RANBP17: variants seen among roughly 807,000 people sequenced by gnomAD.
RANBP17 encodes the protein RAN binding protein 17.
A neutral mutation model predicts 141.2 loss-of-function variants in RANBP17; 158 were observed. The observed-to-expected ratio is 1.12, with a 90% CI of 0.98 to 1.28. The LOEUF is 1.28. Ranked by LOEUF, RANBP17 falls within the 50% of genes most tolerant of loss-of-function variation. The pLI is 0.00. For synonymous variants in RANBP17, 430 were observed against 450.0 expected (o/e 0.96, Z 0.56); for missense variants, 1,438 against 1,290.7 (o/e 1.11, Z -1.75).
intron 14 of RANBP17, among the ~76,000 whole-genome samples, chr5:171,049,404 C>A (rs1052354315): frequency 1.3e-5 from 2 of 152,138 alleles, no homozygotes; most frequent in African/African-American, 2.4e-5. Context: ...TATGTGTTCT[C>A]CCATTCTGTA....
chr5:170,953,051 T>G (rs925528239), intron 12 of RANBP17, among the ~76,000 whole-genome samples: 1 of 152,104 alleles, frequency 6.6e-6, no homozygotes, highest in Non-Finnish European at 1.5e-5. Context: ...TCTTGGATTT[T>G]TTAATACATC....
At chr5:170,905,106 T>C (rs1475602690) in intron 5 of RANBP17, among the ~76,000 whole-genome samples, 1 of 152,188 alleles carries the variant, frequency 6.6e-6, no homozygotes, top group East Asian at 1.9e-4. Context: ...CAGGCCTTTT[T>C]TCACTTTATG....
At chr5:170,883,854 T>G (rs1453481251) in intron 3 of RANBP17, among the ~76,000 whole-genome samples, 1 of 152,266 alleles carries the variant, frequency 6.6e-6, no homozygotes, top group Non-Finnish European at 1.5e-5. Context: ...ATTCACTTAC[T>G]GAAGGGCATC....
At chr5:171,235,629 G>T (rs1764494673) in intron 22 of RANBP17, among the ~76,000 whole-genome samples, 1 of 151,802 alleles carries the variant, frequency 6.6e-6, no homozygotes, top group South Asian at 2.1e-4. Flanking sequence ...TTCAAGATGG[G>T]GTCTCACTCT....
chr5:171,020,080 T>G (rs1780745386), intron 14 of RANBP17, among the ~76,000 whole-genome samples: 1 of 152,178 alleles, frequency 6.6e-6, no homozygotes, highest in Admixed American at 6.5e-5. Context: ...ATTGTGTGGT[T>G]TTGAGGGAAT....
chr5:171,079,397 T>C (rs1785126355), intron 14 of RANBP17, among the ~76,000 whole-genome samples: 1 of 152,242 alleles, frequency 6.6e-6, no homozygotes, highest in South Asian at 2.1e-4. Flanking sequence ...ATAACATTAG[T>C]TGATAAAGTG....
At chr5:171,093,892 A>G (rs959895006) in intron 14 of RANBP17, among the ~76,000 whole-genome samples, 1 of 152,202 alleles carries the variant, frequency 6.6e-6, no homozygotes, top group Non-Finnish European at 1.5e-5. Context: ...AATTGAGGTA[A>G]TGAATGTAAA....
chr5:171,205,076 TATTC>T (rs1202049138), intron 19 of RANBP17, among the ~76,000 whole-genome samples: 1 of 152,220 alleles, frequency 6.6e-6, no homozygotes. Flanking sequence ...TTATTAAGGA[TATTC>T]ATTAGGAATT....
intron 14 of RANBP17, among the ~76,000 whole-genome samples, chr5:171,065,550 C>G (rs908598802): frequency 1.3e-5 from 2 of 152,088 alleles, no homozygotes; most frequent in African/African-American, 4.8e-5. Flanking sequence ...AGGCTATGGA[C>G]TGGTACCAGT....
chr5:171,190,525 C>T (rs1035605289), intron 18 of RANBP17, among the ~76,000 whole-genome samples: 1 of 152,012 alleles, frequency 6.6e-6, no homozygotes, highest in Non-Finnish European at 1.5e-5. Context: ...AATCCCTTCA[C>T]GTGCAGAAAA....
At chr5:171,227,332 A>G (rs1326798944) in intron 22 of RANBP17, among the ~76,000 whole-genome samples, 4 of 152,260 alleles carry the variant, frequency 2.6e-5, no homozygotes, top group Non-Finnish European at 5.9e-5. Flanking sequence ...GCTGACATGG[A>G]GAAGGTTTTA....
In RANBP17 at chr5:170,924,564, A is replaced by C. The variant is rs747201855; in HGVS notation, c.1468+14A>C. ...CCATTCAGGAAGGTCAGTAAACTTTATATGACTACTGAGTATTATGTTGAA... is the reference window on the plus strand; with the variant it reads ...CCATTCAGGAAGGTCAGTAAACTTTCTATGACTACTGAGTATTATGTTGAA... On this transcript the variant is annotated intron_variant, in intron 12 of 27. Transcript: ENST00000523189. The C allele has an allele frequency of 6.6e-7, 1 of 1,516,828 alleles. No homozygotes were observed. The highest frequency in any genetic ancestry group is 2.3e-5 in the East Asian group (1 of 43,848). The allele number at this position is 1,516,828 out of a possible 1,614,324, so 94.0% of individuals were successfully genotyped here.
At chr5:171,208,847 A>G (rs960093423) in intron 20 of RANBP17, among the ~76,000 whole-genome samples, 1 of 152,192 alleles carries the variant, frequency 6.6e-6, no homozygotes, top group African/African-American at 2.4e-5. Context: ...GTGATTATGT[A>G]AAGGGCCCAG....
At chr5:170,914,548 T>G (rs1372744852) in intron 8 of RANBP17, among the ~76,000 whole-genome samples, 2 of 152,052 alleles carry the variant, frequency 1.3e-5, no homozygotes, top group Non-Finnish European at 2.9e-5. Context: ...AGGGCCTAAG[T>G]CCAGCAGCTG....
At chr5:171,052,894 C>T (rs1783047197) in intron 14 of RANBP17, among the ~76,000 whole-genome samples, 1 of 152,050 alleles carries the variant, frequency 6.6e-6, no homozygotes, top group African/African-American at 2.4e-5. Context: ...CTGTTGTTGC[C>T]CAGGCTGGGG....
chr5:171,230,938 T>G (rs796548601), intron 22 of RANBP17, among the ~76,000 whole-genome samples: 14 of 151,962 alleles, frequency 9.2e-5, no homozygotes, highest in African/African-American at 3.1e-4. Flanking sequence ...TTTTTGGTTT[T>G]GTTTTGTTTT....
chr5:170,978,682 A>G (rs983304876), intron 14 of RANBP17, among the ~76,000 whole-genome samples: 3 of 152,192 alleles, frequency 2.0e-5, no homozygotes, highest in South Asian at 2.1e-4. Flanking sequence ...GATGGAAGTC[A>G]GAATGGTGGT....
At chr5:171,132,267 A>C (rs1321330749) in intron 14 of RANBP17, among the ~76,000 whole-genome samples, 1 of 152,074 alleles carries the variant, frequency 6.6e-6, no homozygotes, top group Non-Finnish European at 1.5e-5. Flanking sequence ...GAAGGAGGGA[A>C]GGAAGGAAAG....
At position 170,911,486 on chromosome 5, in the gene RANBP17, C is replaced by A. The variant is rs546858174; in HGVS notation, c.760+352C>A. The A allele has an allele frequency of 2.7e-4, 191 of 699,576 alleles. 1 individual carries two copies. Among genetic ancestry groups the A allele is most frequent in the Middle Eastern group, 8.0e-4 (2 of 2,508 alleles). The allele number at this position is 699,576 out of a possible 1,614,324, so 43.3% of individuals were successfully genotyped here. A position where few individuals can be genotyped will look rare whatever the true frequency, so the allele number is the denominator to read the frequency against. On this transcript the variant is annotated intron_variant, in intron 7 of 27. Transcript: ENST00000523189. ...TTTATGATCATTTTCAGGTGCTGGT[C>A]AAACCTTTAAATCTTCAGGATCAGT...
Sources: allele counts gnomAD v4.1 joint callset (sites outside exome capture counted in the v4.1 genomes callset), GRCh38; gene constraint gnomAD v4.1.1; transcripts MANE v1.5; gene names NCBI Gene and HGNC (gene_info 2026-07-23, HGNC 2026-07-21).